Variants in SETD2 observed in about 807,000 individuals in gnomAD.
The protein encoded by SETD2 is histone-lysine N-methyltransferase SETD2.
In SETD2, 31 loss-of-function variants were observed where a neutral mutation model predicts 242.1. That is an observed-to-expected ratio of 0.13 (90% CI 0.10 to 0.17). The LOEUF (loss-of-function observed/expected upper bound fraction) is 0.17, where lower values mean the gene tolerates loss of function less well. Ranked by LOEUF, SETD2 falls within the 10% of genes least tolerant of loss-of-function variation. SETD2 has a pLI of 1.00. For missense variants in SETD2, 2,481 were observed against 3,046.3 expected, an observed-to-expected ratio of 0.81 and a Z score of 4.37; for synonymous variants, 1,006 against 1,066.5, an observed-to-expected ratio of 0.94 and a Z score of 1.11.
At chr3:47,037,847 C>A (rs1477370776) in intron 17 of SETD2, 70 bp from the exon 18 acceptor site, 15 of 1,024,702 alleles carry the variant, frequency 1.5e-5, no homozygotes, top group Non-Finnish European at 2.3e-5. Context: ...AACATCACTG[C>A]TCATACATAC....
intron 1 of SETD2, among the ~76,000 whole-genome samples, chr3:47,131,838 C>T (rs1233436994): frequency 5.3e-5 from 8 of 150,764 alleles, no homozygotes; most frequent in African/African-American, 1.7e-4. Context: ...AGTACAGAGG[C>T]GTGACCTCAG....
intron 15 of SETD2, among the ~76,000 whole-genome samples, chr3:47,050,881 C>T (rs1282149903): frequency 6.6e-6 from 1 of 151,626 alleles, no homozygotes; most frequent in Non-Finnish European, 1.5e-5. Context: ...TAGGCGTGCG[C>T]CACCAAGCCC....
At chr3:47,137,990 G>A (rs1279194679) in intron 1 of SETD2, among the ~76,000 whole-genome samples, 1 of 136,708 alleles carries the variant, frequency 7.3e-6, no homozygotes. Context: ...TTTTTTTTTT[G>A]AGACGGAGTC....
At chr3:47,037,882 A>G (rs2107529460) in intron 17 of SETD2, 105 bp from the exon 18 acceptor site, 2 of 800,432 alleles carry the variant, frequency 2.5e-6, no homozygotes, top group Non-Finnish European at 4.3e-6. Context: ...ACAATAAGAC[A>G]TAGAATAAGT....
chr3:47,093,421 T>C (rs182287431), intron 9 of SETD2, among the ~76,000 whole-genome samples: 2 of 151,804 alleles, frequency 1.3e-5, no homozygotes, highest in African/African-American at 4.8e-5. Flanking sequence ...GTAGCTGAGA[T>C]TACAGGCACC....
chr3:47,083,555 C>A (rs1043011011), intron 12 of SETD2, among the ~76,000 whole-genome samples, 165 bp downstream of exon 12: 1 of 152,056 alleles, frequency 6.6e-6, no homozygotes, highest in Admixed American at 6.6e-5. Flanking sequence ...ACTCTTGCCA[C>A]GGTTTAGAGG....
chr3:47,143,932 G>A (rs1048519209), intron 1 of SETD2, among the ~76,000 whole-genome samples: 7 of 151,976 alleles, frequency 4.6e-5, no homozygotes, highest in African/African-American at 1.7e-4. Flanking sequence ...GGATGGTCCC[G>A]ATCTCCTGAC....
chr3:47,146,576 G>A (rs1345126791), intron 1 of SETD2, among the ~76,000 whole-genome samples: 6 of 150,166 alleles, frequency 4.0e-5, no homozygotes, highest in Admixed American at 6.7e-5. Flanking sequence ...GCAGTAAGCC[G>A]AGGTCATGCC....
At chr3:47,071,031 G>A (rs2040797301) in intron 12 of SETD2, among the ~76,000 whole-genome samples, 1 of 152,124 alleles carries the variant, frequency 6.6e-6, no homozygotes, top group Non-Finnish European at 1.5e-5. Context: ...GTGCAGTGGT[G>A]TGATCATAGC....
intron 1 of SETD2, among the ~76,000 whole-genome samples, chr3:47,132,471 AG>A (rs1178026792): frequency 6.6e-6 from 1 of 152,172 alleles, no homozygotes; most frequent in African/African-American, 2.4e-5. Context: ...TAGAAGATAG[AG>A]GGAGACTCTG....
rs545916350 is a variant in SETD2, at chr3:47,040,021, G to A, written c.7239-2244C>T. On this transcript the variant is annotated intron_variant, in intron 17 of 20. Coordinates refer to ENST00000409792, the MANE Select transcript of SETD2 (RefSeq NM_014159.7). ...AGATAGAGTCTCACTCTGTCACCCAGGCTGGAGTGCAGTAGCGCGATCTCA... is the reference window on the plus strand; with the variant it reads ...AGATAGAGTCTCACTCTGTCACCCAAGCTGGAGTGCAGTAGCGCGATCTCA... Among the ~76,000 whole-genome samples, 4 of 151,922 alleles carry A rather than the reference G, an allele frequency of 2.6e-5. No individual in the cohort carries two copies. The East Asian group carries it at 7.8e-4, about 30-fold the overall frequency.
intron 18 of SETD2, among the ~76,000 whole-genome samples, chr3:47,024,509 G>A (rs1004874459): frequency 2.7e-5 from 4 of 150,808 alleles, no homozygotes; most frequent in Non-Finnish European, 4.4e-5. Context: ...CAAATTAGCT[G>A]GGCCTGGTGG....
At chr3:47,021,547 T>G (rs775160525) in intron 18 of SETD2, among the ~76,000 whole-genome samples, 1 of 152,118 alleles carries the variant, frequency 6.6e-6, no homozygotes, top group Non-Finnish European at 1.5e-5. Context: ...GTCTAGGAGC[T>G]TTCTTGGTCC....
rs762158903 is a variant in SETD2 at position 47,103,436 on chromosome 3, G to T, written c.4840-13C>A. On this transcript the variant is annotated splice_polypyrimidine_tract_variant and intron_variant, in intron 6 of 20. Coordinates refer to ENST00000409792, the MANE Select transcript of SETD2 (RefSeq NM_014159.7). ...TGGCATCTATTATCTGGGAGAAGAG[G>T]ATCATTTAAGAATTAAAAAATAATA... 6.4e-7 allele frequency: 1 copy of T among 1,562,676 alleles called. No homozygotes were observed. Among genetic ancestry groups the T allele is most frequent in the African/African-American group, 1.4e-5 (1 of 73,840 alleles).
chr3:47,042,006 T>C (rs913959671), intron 17 of SETD2, among the ~76,000 whole-genome samples: 1 of 152,202 alleles, frequency 6.6e-6, no homozygotes, highest in South Asian at 2.1e-4. Flanking sequence ...TTATACAATA[T>C]TAGATGAAGG....
chr3:47,126,603 T>C (rs1315658484), intron 2 of SETD2, 45 bp downstream of exon 2: 1 of 1,013,332 alleles, frequency 9.9e-7, no homozygotes, highest in African/African-American at 1.6e-5. Flanking sequence ...ATGTGTTTAG[T>C]GGTCCATCTC....
At chr3:47,078,376 G>A (rs772286557) in intron 12 of SETD2, among the ~76,000 whole-genome samples, 5 of 152,118 alleles carry the variant, frequency 3.3e-5, no homozygotes, top group Non-Finnish European at 4.4e-5. Context: ...ACCCAACTGC[G>A]GGGTATTCTA....
intron 18 of SETD2, among the ~76,000 whole-genome samples, chr3:47,036,465 G>C (rs1287749295): frequency 6.6e-6 from 1 of 152,066 alleles, no homozygotes; most frequent in African/African-American, 2.4e-5. Context: ...TGAGACATGA[G>C]AACTGCTGAA....
intron 1 of SETD2, among the ~76,000 whole-genome samples, chr3:47,161,993 T>G (rs982633718): frequency 1.3e-5 from 2 of 151,824 alleles, no homozygotes; most frequent in Non-Finnish European, 2.9e-5. Flanking sequence ...GGATTTCTAC[T>G]ACATTAAAGC....
Sources: gnomAD v4.1 joint callset for allele counts (sites outside exome capture counted in the v4.1 genomes callset) on GRCh38, gnomAD v4.1.1 for gene constraint, MANE v1.5 for transcripts, NCBI Gene and HGNC (gene_info 2026-07-23, HGNC 2026-07-21) for gene names.